Variants in SLC49A4 observed in about 807,000 individuals in gnomAD.
SLC49A4 encodes solute carrier family 49 member 4.
Under a neutral mutation model 50.6 loss-of-function variants are expected in SLC49A4, and 36 were observed. The observed-to-expected ratio is 0.71, with a 90% CI of 0.55 to 0.94. The LOEUF (loss-of-function observed/expected upper bound fraction) is 0.94, where lower values mean the gene tolerates loss of function less well. Among genes scored for constraint, SLC49A4 ranks in the 40% least tolerant of loss-of-function variants. The pLI, the probability that SLC49A4 is intolerant of heterozygous loss-of-function variation, is 0.00. For missense variants in SLC49A4, 503 were observed against 605.7 expected (o/e 0.83, Z 1.78); for synonymous variants, 248 against 241.2 (o/e 1.03, Z -0.26).
At position 122,804,605 on chromosome 3, in the gene SLC49A4, A is replaced by C. The variant is rs1936183318; in HGVS notation, c.344-2252A>C. Among the ~76,000 whole-genome samples the C allele has an allele frequency of 2.0e-5, 3 of 152,208 alleles. No individual in the cohort carries two copies. The South Asian group carries it at 6.2e-4, about 31-fold the overall frequency. ...ACAACACTTGGCAGCAATTAAAAAT[A>C]CACAAGAAAGCCACCACACTGTACT... On this transcript the variant is annotated intron_variant, in intron 1 of 8. Transcript: ENST00000261038.
chr3:122,834,139 T>A (rs527657092), intron 4 of SLC49A4, among the ~76,000 whole-genome samples: 4 of 152,310 alleles, frequency 2.6e-5, no homozygotes, highest in Admixed American at 1.3e-4. Flanking sequence ...GTAGTTGTTA[T>A]GAGTTTTTAT....
chr3:122,817,940 A>G (rs1309309496), intron 2 of SLC49A4, among the ~76,000 whole-genome samples: 1 of 151,890 alleles, frequency 6.6e-6, no homozygotes, highest in Non-Finnish European at 1.5e-5. Context: ...TGAAGCAGAC[A>G]CTGTCAGCTA....
chr3:122,867,483 G>T (rs1937134391), intron 7 of SLC49A4, among the ~76,000 whole-genome samples: 1 of 152,152 alleles, frequency 6.6e-6, no homozygotes, highest in South Asian at 2.1e-4. Context: ...TCAAAGAGCT[G>T]ATAGGATGAT....
intron 2 of SLC49A4, among the ~76,000 whole-genome samples, chr3:122,818,629 T>G (rs1936409295): frequency 6.6e-6 from 1 of 152,162 alleles, no homozygotes. Context: ...GAGAGATTAT[T>G]GTATATGACC....
rs74552008 is a variant in SLC49A4 at position 122,808,477 on chromosome 3, C to T, written c.437+1527C>T. Among the ~76,000 whole-genome samples, 45 of 152,118 alleles carry T rather than the reference C, an allele frequency of 3.0e-4. No homozygotes were observed. In the East Asian group the frequency reaches 7.0e-3, roughly 24 times the overall value. ...ATCAAGCATTATATGCAGAGAGAAC[C>T]GCAAGAGTTCAGGGTGGAAGAGGGA... is the stretch of plus-strand genomic sequence containing the variant. On this transcript the variant is annotated intron_variant, in intron 2 of 8. Coordinates refer to ENST00000261038, the MANE Select transcript of SLC49A4 (RefSeq NM_032839.3).
At position 122,880,360 on chromosome 3, in the gene SLC49A4, A is replaced by G. The variant is rs1384791295; in HGVS notation, c.*982A>G. 3 of 152,366 alleles carry G rather than the reference A, an allele frequency of 2.0e-5. No homozygotes were observed. The highest frequency in any genetic ancestry group is 7.2e-5 in the African/African-American group (3 of 41,450). The allele number at this position is 152,366 out of a possible 1,614,324, so 9.4% of individuals were successfully genotyped here. On this transcript the variant is annotated 3_prime_UTR_variant, in exon 9 of 9. Transcript: ENST00000261038. ...CATCCTGTGTTTCAGCTTAGGTTGTAAAATACTCCGTTCTCTGTGGAGTCA... is the reference window on the plus strand; with the variant it reads ...CATCCTGTGTTTCAGCTTAGGTTGTGAAATACTCCGTTCTCTGTGGAGTCA...
At chr3:122,853,726 C>T (rs188368962) in intron 5 of SLC49A4, among the ~76,000 whole-genome samples, 1 of 152,266 alleles carries the variant, frequency 6.6e-6, no homozygotes, top group Non-Finnish European at 1.5e-5. Flanking sequence ...CACCACTATA[C>T]TCCGGCCTGG....
chr3:122,813,901 G>A (rs1936331465), intron 2 of SLC49A4, among the ~76,000 whole-genome samples: 1 of 152,154 alleles, frequency 6.6e-6, no homozygotes, highest in African/African-American at 2.4e-5. Flanking sequence ...ACATATTCCT[G>A]ATGGATTGGA....
intron 3 of SLC49A4, among the ~76,000 whole-genome samples, chr3:122,827,411 G>T (rs1466253953): frequency 6.6e-6 from 1 of 152,110 alleles, no homozygotes; most frequent in African/African-American, 2.4e-5. Context: ...ATAACCTTTT[G>T]TTAAACATCT....
intron 7 of SLC49A4, among the ~76,000 whole-genome samples, chr3:122,870,672 G>A (rs1208069987): frequency 1.3e-5 from 2 of 151,438 alleles, no homozygotes; most frequent in African/African-American, 4.8e-5. Flanking sequence ...ATTTAGCTTG[G>A]CATGGTGGCA....
intron 2 of SLC49A4, among the ~76,000 whole-genome samples, chr3:122,824,592 CTG>C (rs375788384): frequency 9.2e-5 from 14 of 151,728 alleles, no homozygotes; most frequent in African/African-American, 3.4e-4. Flanking sequence ...TCTTTCTTTC[CTG>C]TCTTTCCTTT....
intron 7 of SLC49A4, among the ~76,000 whole-genome samples, chr3:122,862,916 A>G (rs9810499): frequency 0.45 from 68,097 of 151,936 alleles, 16,046 homozygotes; most frequent in South Asian, 0.55. Flanking sequence ...GCATTTGAAA[A>G]TTATTCATCT....
chr3:122,799,746 G>T (rs753142898), intron 1 of SLC49A4, among the ~76,000 whole-genome samples: 2 of 152,218 alleles, frequency 1.3e-5, no homozygotes, highest in African/African-American at 2.4e-5. Context: ...GGTGATAGTA[G>T]TGGAGGATTT....
intron 7 of SLC49A4, among the ~76,000 whole-genome samples, chr3:122,870,881 T>C (rs1407167715): frequency 6.6e-6 from 1 of 151,566 alleles, no homozygotes; most frequent in East Asian, 1.9e-4. Flanking sequence ...AATACAATAC[T>C]CTATAGAAGC....
At chr3:122,838,363 A>G (rs1360776583) in intron 4 of SLC49A4, among the ~76,000 whole-genome samples, 1 of 152,196 alleles carries the variant, frequency 6.6e-6, no homozygotes, top group Non-Finnish European at 1.5e-5. Flanking sequence ...ACACCATGGA[A>G]TACTATGCAG....
At chr3:122,818,256 CA>C (rs1302643141) in intron 2 of SLC49A4, among the ~76,000 whole-genome samples, 2 of 151,754 alleles carry the variant, frequency 1.3e-5, no homozygotes, top group Non-Finnish European at 2.9e-5. Flanking sequence ...CTTGATAGAC[CA>C]TAAAATGACT....
Position 122,836,074 on chromosome 3 carries a change from A to G in SLC49A4, c.833+2628A>G, listed in dbSNP as rs116785522. ...AAGGTGAAATATCTCTACAATAACT[A>G]CAAAACACTGCTGAAAGAAATCATA... On this transcript the variant is annotated intron_variant, in intron 4 of 8. Transcript: ENST00000261038. Among the ~76,000 whole-genome samples the G allele has an allele frequency of 9.7e-3, 1,479 of 152,230 alleles. 26 individuals are homozygous for G. Among genetic ancestry groups the G allele is most frequent in the African/African-American group, 0.034 (1,422 of 41,542 alleles).
chr3:122,822,943 G>T (rs1560205207), intron 2 of SLC49A4, among the ~76,000 whole-genome samples: 1 of 152,108 alleles, frequency 6.6e-6, no homozygotes, highest in Non-Finnish European at 1.5e-5. Flanking sequence ...TCACCTTAAC[G>T]GTTCTCCAGA....
At chr3:122,855,728 C>T (rs1357244514) in intron 5 of SLC49A4, among the ~76,000 whole-genome samples, 2 of 152,158 alleles carry the variant, frequency 1.3e-5, no homozygotes, top group African/African-American at 2.4e-5. Context: ...GATCTGGGTA[C>T]TGTATACAAA....
Sources: gnomAD v4.1 joint callset for allele counts (sites outside exome capture counted in the v4.1 genomes callset) on GRCh38, gnomAD v4.1.1 for gene constraint, MANE v1.5 for transcripts, NCBI Gene and HGNC (gene_info 2026-07-23, HGNC 2026-07-21) for gene names.